The following PPOX variants were observed in gnomAD, a reference collection of about 807,000 sequenced individuals.
PPOX encodes protoporphyrinogen oxidase.
Under a neutral mutation model 54.1 loss-of-function variants are expected in PPOX, and 23 were observed. The ratio of observed to expected loss-of-function variants is 0.43; its 90% CI spans 0.31 to 0.60. PPOX has a LOEUF of 0.60. Ranked by LOEUF, PPOX falls within the 20% of genes least tolerant of loss-of-function variation. The pLI, the probability that PPOX is intolerant of heterozygous loss-of-function variation, is 0.13. For synonymous variants in PPOX, 224 were observed against 236.1 expected (o/e 0.95, Z 0.47); for missense variants, 512 against 601.1 (o/e 0.85, Z 1.55).
chr1:161,171,695 C>T (rs556696668), downstream of PPOX: 5 of 1,408,342 alleles, frequency 3.6e-6, no homozygotes, highest in South Asian at 5.3e-5. Flanking sequence ...GCCCCTACCC[C>T]CTAGCACGGC....
intron 5 of PPOX, 53 bp downstream of exon 5, chr1:161,168,180 G>T: frequency 6.2e-7 from 1 of 1,613,754 alleles, no homozygotes; most frequent in Non-Finnish European, 8.5e-7. Flanking sequence ...CAGCTGCAGA[G>T]CTCCCTGTTC....
chr1:161,169,183 G>A lies in PPOX; in HGVS notation c.807G>A (p.Lys269=), dbSNP rs771363804. 2 of 1,613,690 alleles carry A rather than the reference G, an allele frequency of 1.2e-6. No individual in the cohort carries two copies. Among genetic ancestry groups the A allele is most frequent in the Non-Finnish European group, 1.7e-6 (2 of 1,180,018 alleles). The change falls in exon 7 of 13, where the codon AAG becomes AAA. Residue 269 remains lysine, a splice_region_variant and synonymous_variant. Transcript: ENST00000367999. ...GLSLQAEGRW[K]VSLRDSSLEA... ...GCCTCCAGGCAGAAGGGCGCTGGAA[G>A]GTAGGGGAACCCCTGGAGTGTAATG... is the stretch of plus-strand genomic sequence containing the variant.
downstream of PPOX, among the ~76,000 whole-genome samples, chr1:161,173,331 G>C (rs756252513): frequency 6.6e-6 from 1 of 152,148 alleles, no homozygotes; most frequent in Non-Finnish European, 1.5e-5. Flanking sequence ...GCTGTCTCTG[G>C]GCCCCTTTCC....
chr1:161,171,959 G>A (rs773080802), downstream of PPOX: 11 of 1,614,160 alleles, frequency 6.8e-6, no homozygotes, highest in South Asian at 1.1e-5. Flanking sequence ...CGAGGACCCC[G>A]AGGGTCAGTC....
At position 161,170,665 on chromosome 1, in the gene PPOX, T is replaced by C. The variant is rs1372515241; in HGVS notation, c.1144T>C (p.Cys382Arg). ...GTTACAGACACTGGAGGCTAGTGGC[T>C]GTGTCTTATCTCAGGAGCTGTTTCA... ...SWLQTLEASG[C>R]VLSQELFQQR... Residue 382 changes from cysteine (C) to arginine (R), a missense_variant, in exon 11 of 13, where the codon TGT (cysteine) becomes CGT (arginine). By Grantham distance (180) the Cys-to-Arg change is radical. Transcript: ENST00000367999. 2 of 1,614,192 alleles carry C rather than the reference T, an allele frequency of 1.2e-6. No individual in the cohort carries two copies. The highest frequency in any genetic ancestry group is 1.7e-6 in the Non-Finnish European group (2 of 1,180,050).
downstream of PPOX, among the ~76,000 whole-genome samples, chr1:161,174,502 T>C (rs1662753821): frequency 6.6e-6 from 1 of 152,194 alleles, no homozygotes; most frequent in Non-Finnish European, 1.5e-5. Context: ...ATCTTTTTCA[T>C]TTTTCCACTT....
downstream of PPOX, chr1:161,171,855 T>TAA: frequency 6.2e-7 from 1 of 1,614,114 alleles, no homozygotes; most frequent in Non-Finnish European, 8.5e-7. Context: ...TGGCAGTAGA[T>TAA]AGAGGCCCAG....
chr1:161,168,280 T>C, intron 5 of PPOX, 152 bp from the exon 6 acceptor site: 1 of 1,549,830 alleles, frequency 6.5e-7, no homozygotes, highest in Non-Finnish European at 8.9e-7. Flanking sequence ...AAACTCATTA[T>C]TGGGAGTGAA....
chr1:161,176,546 C>T (rs911458052), intron 4 of PPOX: 3 of 450,218 alleles, frequency 6.7e-6, no homozygotes, highest in Non-Finnish European at 1.2e-5. Context: ...GAGAAAGGCT[C>T]CATCCAGCAC....
intron 7 of PPOX, 148 bp from the exon 8 acceptor site, chr1:161,169,512 A>G (rs1231410616): frequency 4.7e-6 from 4 of 851,844 alleles, no homozygotes; most frequent in East Asian, 2.5e-5. Flanking sequence ...TGAAGTCTAC[A>G]TAGTCACCCA....
At chr1:161,166,395 T>G, upstream of PPOX, 1 of 1,065,124 alleles carries the variant, frequency 9.4e-7, no homozygotes, top group South Asian at 3.0e-5. Context: ...GTAGGAGAGG[T>G]AGGGTTAGGC....
chr1:161,174,976 G>T (rs1662938602), downstream of PPOX: 2 of 1,610,002 alleles, frequency 1.2e-6, no homozygotes, highest in African/African-American at 2.7e-5. Context: ...TCAAAATGAG[G>T]TGGAGATTGG....
chr1:161,169,538 G>C, intron 7 of PPOX, 122 bp from the exon 8 acceptor site: 4 of 1,005,020 alleles, frequency 4.0e-6, no homozygotes, highest in Non-Finnish European at 6.3e-6. Context: ...TTCATCCTGG[G>C]TCAGTACACA....
At chr1:161,172,527 G>T (rs1051272080), downstream of PPOX, 29 of 580,710 alleles carry the variant, frequency 5.0e-5, no homozygotes, top group Non-Finnish European at 8.0e-5. Context: ...AATCCTCAGG[G>T]CCCAGTGCCA....
chr1:161,172,201 C>G, downstream of PPOX: 1 of 1,613,120 alleles, frequency 6.2e-7, no homozygotes, highest in Non-Finnish European at 8.5e-7. Flanking sequence ...AGTAACAATT[C>G]CCAGGCAGTC....
chr1:161,173,477 G>A (rs1037366947), downstream of PPOX: 44 of 1,362,176 alleles, frequency 3.2e-5, no homozygotes, highest in South Asian at 5.3e-4. Flanking sequence ...AAGACTAAGG[G>A]AAAGGAATGG....
At chr1:161,169,313 G>T in intron 7 of PPOX, 130 bp downstream of exon 7, 1 of 1,097,202 alleles carries the variant, frequency 9.1e-7, no homozygotes. Flanking sequence ...CTTAGACATG[G>T]GCTACCCCAG....
rs1251439932 is a variant in PPOX, at chr1:161,176,883, A to G, written c.407A>G (p.Asp136Gly). 2.0e-6 allele frequency: 3 copies of G among 1,536,290 alleles called. No individual in the cohort carries two copies. In the South Asian group the frequency reaches 3.6e-5, roughly 18 times the overall value. ...CAGTTGAAGTGGCGACAGAGTCATGACAGGACCGTGGAGTGGCCTAAGGAG... is the reference window on the plus strand; with the variant it reads ...CAGTTGAAGTGGCGACAGAGTCATGGCAGGACCGTGGAGTGGCCTAAGGAG... The change falls in exon 5 of 5, where the codon GAC (aspartate) becomes GGC (glycine). Residue 136 changes from aspartate (D) to glycine (G), a missense_variant. Coordinates refer to the PPOX transcript ENST00000497522.
upstream of PPOX, chr1:161,166,035 GC>G: frequency 1.0e-6 from 1 of 957,862 alleles, no homozygotes; most frequent in African/African-American, 1.8e-5. Context: ...GCTCCCGTAG[GC>G]CCGGTCTGTT....
Sources: gnomAD v4.1 joint callset for allele counts (sites outside exome capture counted in the v4.1 genomes callset) on GRCh38, gnomAD v4.1.1 for gene constraint, MANE v1.5 for transcripts, NCBI Gene and HGNC (gene_info 2026-07-23, HGNC 2026-07-21) for gene names.